The following ABAT variants were observed in gnomAD, a reference collection of about 807,000 sequenced individuals.
The protein encoded by ABAT is 4-aminobutyrate aminotransferase.
In ABAT, 45 loss-of-function variants were observed where a neutral mutation model predicts 64.6. The observed-to-expected ratio is 0.70, with a 90% confidence interval of 0.55 to 0.89. ABAT has a LOEUF of 0.89. Among genes scored for constraint, ABAT ranks in the 40% least tolerant of loss-of-function variants. The probability of loss-of-function intolerance (pLI) is 0.00; values close to 1 mark genes in which losing one functional copy is unlikely to be tolerated. For missense variants in ABAT, 633 were observed against 658.4 expected, an observed-to-expected ratio of 0.96 and a Z score of 0.42; for synonymous variants, 297 against 250.5, an observed-to-expected ratio of 1.19 and a Z score of -1.75.
At chr16:8,745,394 A>G (rs1318843433) in intron 2 of ABAT, among the ~76,000 whole-genome samples, 1 of 152,168 alleles carries the variant, frequency 6.6e-6, no homozygotes, top group African/African-American at 2.4e-5. Context: ...CTCAGTTGAA[A>G]GCAATAGAAA....
chr16:8,775,057 T>G lies in ABAT; in HGVS notation c.1122T>G (p.Ala374=). ...FFHKEEFRPN[A]PYRIFNTWLG... is the part of the protein sequence containing the mutation. ...ACAAGGAGGAGTTCAGGCCTAATGC[T>G]GTGAGTTGGAGCCAACCTTCTCTCT... The change falls in exon 13 of 16, where the codon GCT becomes GCG. Residue 374 remains alanine, a splice_region_variant and synonymous_variant. Transcript: ENST00000268251. The G allele has an allele frequency of 6.2e-7, 1 of 1,614,198 alleles. No individual in the cohort carries two copies. The highest frequency in any genetic ancestry group is 8.5e-7 in the Non-Finnish European group (1 of 1,180,038).
chr16:8,768,465 G>C (rs1320203530), intron 10 of ABAT, among the ~76,000 whole-genome samples: 1 of 152,196 alleles, frequency 6.6e-6, no homozygotes, highest in Admixed American at 6.5e-5. Context: ...TTCAGTGACA[G>C]AGCCGGGACT....
intron 1 of ABAT, among the ~76,000 whole-genome samples, chr16:8,702,893 C>G (rs1389658843): frequency 6.6e-6 from 1 of 151,950 alleles, no homozygotes; most frequent in Non-Finnish European, 1.5e-5. Flanking sequence ...AGCCCTGGGG[C>G]TTGGATCACA....
intron 4 of ABAT, 134 bp downstream of exon 4, chr16:8,748,271 T>A (rs1641011): frequency 0.68 from 524,994 of 767,598 alleles, 186,164 homozygotes; most frequent in East Asian, 0.79. Context: ...TTTTTCTCAT[T>A]TCCTTTGTGA....
At chr16:8,760,932 A>G (rs2142883606) in intron 6 of ABAT, among the ~76,000 whole-genome samples, 1 of 152,222 alleles carries the variant, frequency 6.6e-6, no homozygotes, top group South Asian at 2.1e-4. Context: ...TTAAAAAATT[A>G]GCCAGGTGTG....
chr16:8,735,808 T>C lies in ABAT; in HGVS notation c.69T>C (p.Pro23=). ...SFQHSYRLLV[P]GSRHISQAAA... is the part of the protein sequence containing the mutation. ...AGCACAGCTACCGCCTGCTGGTGCC[T>C]GGTAAGCCCCGGGGGTCTTGATAAG... Residue 23 remains proline (P), a splice_region_variant and synonymous_variant, in exon 2 of 16, where the codon CCT becomes CCC. Transcript: ENST00000268251. 6.2e-7 allele frequency: 1 copy of C among 1,601,862 alleles called. No individual in the cohort carries two copies. Among genetic ancestry groups the C allele is most frequent in the Admixed American group, 1.7e-5 (1 of 58,400 alleles).
chr16:8,776,619 T>C lies in ABAT; in HGVS notation c.1269+129T>C. On this transcript the variant is annotated intron_variant, in intron 14 of 15. Coordinates refer to ENST00000268251, the MANE Select transcript of ABAT (RefSeq NM_020686.6). This position sits in a 1 kb window ranked among gnomAD's most constrained non-coding sequence, Gnocchi z 4.4. The stretch of plus-strand genomic sequence containing the variant: ...AGCAGTTCGTAACGGGCTGTGCTGC[T>C]CCTAGCCTTGGGGGCTTTGCACATG... 9.7e-7 allele frequency: 1 copy of C among 1,031,180 alleles called. No homozygotes were observed. Among genetic ancestry groups the C allele is most frequent in the Non-Finnish European group, 1.4e-6 (1 of 690,852 alleles). The allele number at this position is 1,031,180 out of a possible 1,614,324, so 63.9% of individuals were successfully genotyped here.
At chr16:8,732,637 G>A (rs1371667938) in intron 1 of ABAT, among the ~76,000 whole-genome samples, 4 of 151,400 alleles carry the variant, frequency 2.6e-5, no homozygotes, top group African/African-American at 7.4e-5. Context: ...ACACAGACAC[G>A]GCAACCATCC....
rs148455880 is a variant in ABAT, at chr16:8,776,373, G to T, written c.1152G>T (p.Gly384=). 1.2e-5 allele frequency: 20 copies of T among 1,614,206 alleles called. No individual in the cohort carries two copies. The highest frequency in any genetic ancestry group is 1.6e-4 in the Middle Eastern group (1 of 6,062). Residue 384 remains glycine, a synonymous_variant, in exon 14 of 16, where the codon GGG becomes GGT. Coordinates refer to ENST00000268251, the MANE Select transcript of ABAT (RefSeq NM_020686.6). The surrounding 1 kb of genome is among the most constrained non-coding windows in gnomAD (Gnocchi z 4.4). ...ACCGGATCTTCAACACCTGGCTGGG[G>T]GACCCGTCCAAGAACCTGTTGCTGG... ...APYRIFNTWL[G]DPSKNLLLAE...
At position 8,700,961 on chromosome 16, in the gene ABAT, T is replaced by G. The variant is rs562014686; in HGVS notation, c.-42+26250T>G. On this transcript the variant is annotated intron_variant, in intron 1 of 15. Coordinates refer to ENST00000268251, the MANE Select transcript of ABAT (RefSeq NM_020686.6). ...TTTGTTTTTTCTCTTTGAGATGGAGTGTCACTCTGTCTGTCACTCAGGCTG... is the reference window on the plus strand; with the variant it reads ...TTTGTTTTTTCTCTTTGAGATGGAGGGTCACTCTGTCTGTCACTCAGGCTG... Among the ~76,000 whole-genome samples, 10 of 146,518 alleles carry G rather than the reference T, an allele frequency of 6.8e-5. No homozygotes were observed. In the South Asian group the frequency reaches 2.1e-3, roughly 31 times the overall value.
chr16:8,682,641 C>T (rs139032098), intron 1 of ABAT, among the ~76,000 whole-genome samples: 42 of 152,254 alleles, frequency 2.8e-4, no homozygotes, highest in African/African-American at 9.4e-4. Flanking sequence ...CCAGAGGTCC[C>T]GTAATCTTCA....
At chr16:8,716,205 C>G (rs1003122784) in intron 1 of ABAT, among the ~76,000 whole-genome samples, 2 of 152,130 alleles carry the variant, frequency 1.3e-5, no homozygotes, top group African/African-American at 4.8e-5. Flanking sequence ...GCCCCCACCC[C>G]CTGTTTTGTG....
At position 8,764,450 on chromosome 16, in the gene ABAT, G is replaced by A. The variant is rs2059885149; in HGVS notation, c.448-288G>A. On this transcript the variant is annotated intron_variant, in intron 7 of 15. Coordinates refer to ENST00000268251, the MANE Select transcript of ABAT (RefSeq NM_020686.6). This position sits in a 1 kb window ranked among gnomAD's most constrained non-coding sequence, Gnocchi z 4.2. ...CTACAAACGATTAAAGCCATTGGGA[G>A]CCTCAACGTCCCGCCTGGAACGTGT... 6.6e-6 allele frequency among the ~76,000 whole-genome samples: 1 copy of A among 152,186 alleles called. No individual in the cohort carries two copies. The highest frequency in any genetic ancestry group is 1.5e-5 in the Non-Finnish European group (1 of 68,042).
At chr16:8,736,426 T>A (rs2142406742) in intron 2 of ABAT, 1 of 154,764 alleles carries the variant, frequency 6.5e-6, no homozygotes, top group South Asian at 2.0e-4. Flanking sequence ...CCACTCTGCC[T>A]GCAGGTAGGC....
intron 2 of ABAT, among the ~76,000 whole-genome samples, chr16:8,742,540 T>C (rs1270201406): frequency 6.6e-6 from 1 of 151,862 alleles, no homozygotes; most frequent in African/African-American, 2.4e-5. Context: ...TTATCCTGAG[T>C]TCTGGCAAAG....
rs374659543 is a variant in ABAT at position 8,764,733 on chromosome 16, C to G, written c.448-5C>G. 1.9e-6 allele frequency: 3 copies of G among 1,613,968 alleles called. No homozygotes were observed. Among genetic ancestry groups the G allele is most frequent in the South Asian group, 1.1e-5 (1 of 91,068 alleles). On this transcript the variant is annotated splice_polypyrimidine_tract_variant and splice_region_variant and intron_variant, in intron 7 of 15. Transcript: ENST00000268251. The surrounding 1 kb of genome is among the most constrained non-coding windows in gnomAD (Gnocchi z 4.2). ...CTGGGCTCACGGCTATTTCCCTCCCCACAGGTGGCTCCCAAAGGGATGTCC... is the reference window on the plus strand; with the variant it reads ...CTGGGCTCACGGCTATTTCCCTCCCGACAGGTGGCTCCCAAAGGGATGTCC...
intron 1 of ABAT, among the ~76,000 whole-genome samples, chr16:8,724,812 T>C (rs1026331507): frequency 1.4e-5 from 2 of 146,994 alleles, no homozygotes; most frequent in Non-Finnish European, 3.0e-5. Flanking sequence ...CAGGTGGAAA[T>C]TGAAGAATAA....
intron 6 of ABAT, among the ~76,000 whole-genome samples, chr16:8,759,708 GTTTTC>G (rs2059742124): frequency 6.6e-6 from 1 of 152,102 alleles, no homozygotes; most frequent in Admixed American, 6.5e-5. Context: ...TTTGTTTGTT[GTTTTC>G]TTTTGTTTTT....
At chr16:8,698,604 G>A (rs2057754134) in intron 1 of ABAT, among the ~76,000 whole-genome samples, 2 of 152,110 alleles carry the variant, frequency 1.3e-5, no homozygotes, top group African/African-American at 2.4e-5. Context: ...GAAGTGTTGG[G>A]ATTACAGGCG....
Sources: allele counts gnomAD v4.1 joint callset (sites outside exome capture counted in the v4.1 genomes callset), GRCh38; gene constraint gnomAD v4.1.1; non-coding constraint Gnocchi (gnomAD v3.1); transcripts MANE v1.5; gene names NCBI Gene and HGNC (gene_info 2026-07-23, HGNC 2026-07-21).